PAK5: variants seen among roughly 807,000 people sequenced by gnomAD.
PAK5 encodes the protein p21 (RAC1) activated kinase 5, also known as serine/threonine-protein kinase PAK 5.
A neutral mutation model predicts 65.9 loss-of-function variants in PAK5; 16 were observed. The ratio of observed to expected loss-of-function variants is 0.24; its 90% CI spans 0.16 to 0.37. The LOEUF is 0.37. Among genes scored for constraint, PAK5 ranks in the 10% least tolerant of loss-of-function variants. The pLI is 1.00. For missense variants in PAK5, 785 were observed against 903.9 expected (o/e 0.87, Z 1.69); for synonymous variants, 371 against 354.9 (o/e 1.05, Z -0.51).
chr20:9,613,212 T>A (rs1030517282), intron 3 of PAK5, among the ~76,000 whole-genome samples: 6 of 152,222 alleles, frequency 3.9e-5, no homozygotes, highest in African/African-American at 1.2e-4. Flanking sequence ...ATCCTAACAA[T>A]AATTTAAAAA....
At chr20:9,720,334 A>G (rs1186194345) in intron 1 of PAK5, among the ~76,000 whole-genome samples, 1 of 152,204 alleles carries the variant, frequency 6.6e-6, no homozygotes, top group Non-Finnish European at 1.5e-5. Context: ...TATGACCAAA[A>G]AAACACAAAC....
intron 2 of PAK5, among the ~76,000 whole-genome samples, chr20:9,674,779 G>A (rs1182582506): frequency 6.6e-6 from 1 of 152,180 alleles, no homozygotes; most frequent in African/African-American, 2.4e-5. Context: ...AATATCAAGG[G>A]AATATCAAGG....
At position 9,616,495 on chromosome 20, in the gene PAK5, A is replaced by G. The variant is rs114569159; in HGVS notation, c.204+27630T>C. On this transcript the variant is annotated intron_variant, in intron 3 of 9. Transcript: ENST00000353224. ...TTCGGCTAAAGCCTTTGTGTTCTCT[A>G]TGGTAGGGTTTCTCAAACTTTAACA... is the stretch of plus-strand genomic sequence containing the variant. 5.4e-3 allele frequency among the ~76,000 whole-genome samples: 829 copies of G among 152,300 alleles called. 6 individuals carry two copies. The highest frequency in any genetic ancestry group is 0.019 in the African/African-American group (787 of 41,564).
rs530675284 is a variant in PAK5, at chr20:9,789,479, T to C, written c.-162+49283A>G. Among the ~76,000 whole-genome samples the C allele has an allele frequency of 9.9e-4, 150 of 152,246 alleles. 1 individual carries two copies. Among genetic ancestry groups the C allele is most frequent in the African/African-American group, 3.6e-3 (150 of 41,562 alleles). The stretch of plus-strand genomic sequence containing the variant: ...TCAATTATTTCAATGAAAAAAAAAG[T>C]TTCCATTAAGCCATTCTTTTCTAAT... On this transcript the variant is annotated intron_variant, in intron 1 of 9. Coordinates refer to ENST00000353224, the MANE Select transcript of PAK5 (RefSeq NM_177990.4).
intron 2 of PAK5, 39 bp from the exon 3 acceptor site, chr20:9,644,378 C>A (rs1232914442): frequency 7.3e-7 from 1 of 1,374,500 alleles, no homozygotes; most frequent in South Asian, 1.2e-5. Context: ...CCATTTATAT[C>A]TTGCCAGCAG....
intron 3 of PAK5, among the ~76,000 whole-genome samples, chr20:9,615,848 G>C (rs910061621): frequency 6.6e-6 from 1 of 152,210 alleles, no homozygotes; most frequent in Admixed American, 6.5e-5. Flanking sequence ...GGTGACTCTT[G>C]TCTGGGGGCA....
intron 1 of PAK5, among the ~76,000 whole-genome samples, chr20:9,794,540 G>T (rs891893985): frequency 3.3e-5 from 5 of 152,004 alleles, no homozygotes; most frequent in African/African-American, 1.2e-4. Context: ...AAGCAGATGA[G>T]TTAGAACATT....
At chr20:9,602,331 TAA>T (rs1393620574) in intron 3 of PAK5, among the ~76,000 whole-genome samples, 1 of 127,136 alleles carries the variant, frequency 7.9e-6, no homozygotes. Flanking sequence ...AATAAATAAA[TAA>T]ATAAATAAAA....
chr20:9,564,742 T>A (rs1376099270), intron 5 of PAK5, among the ~76,000 whole-genome samples: 1 of 152,116 alleles, frequency 6.6e-6, no homozygotes. Context: ...CAACACTCAC[T>A]GCAAAATAAT....
intron 1 of PAK5, among the ~76,000 whole-genome samples, chr20:9,819,050 A>G (rs1050238794): frequency 6.6e-6 from 1 of 152,224 alleles, no homozygotes; most frequent in East Asian, 1.9e-4. Flanking sequence ...TGCATGAGAA[A>G]GCCAAAGAAA....
chr20:9,551,814 T>TG (rs1389935877), intron 7 of PAK5, among the ~76,000 whole-genome samples: 2 of 152,208 alleles, frequency 1.3e-5, no homozygotes, highest in Non-Finnish European at 2.9e-5. Flanking sequence ...TCTCTGGGGT[T>TG]GGGGCCCAGG....
At chr20:9,604,202 C>T (rs1276143688) in intron 3 of PAK5, among the ~76,000 whole-genome samples, 6 of 152,212 alleles carry the variant, frequency 3.9e-5, no homozygotes, top group Admixed American at 3.9e-4. Context: ...CTGGGCTCTT[C>T]TGTGGAACAC....
At chr20:9,836,543 G>T (rs562215381) in intron 1 of PAK5, among the ~76,000 whole-genome samples, 1 of 152,300 alleles carries the variant, frequency 6.6e-6, no homozygotes, top group South Asian at 2.1e-4. Flanking sequence ...CTCCCTTAGA[G>T]GTTTTGGAGG....
chr20:9,795,426 C>T (rs1198172121), intron 1 of PAK5, among the ~76,000 whole-genome samples: 2 of 151,992 alleles, frequency 1.3e-5, no homozygotes, highest in African/African-American at 2.4e-5. Context: ...GTTATGTTTA[C>T]CATCAAAAAT....
chr20:9,757,648 A>AT (rs2048650313), intron 1 of PAK5, among the ~76,000 whole-genome samples: 3 of 152,094 alleles, frequency 2.0e-5, no homozygotes, highest in Admixed American at 2.0e-4. Context: ...GTGCTTCAAC[A>AT]TTTTCTCCCT....
intron 5 of PAK5, among the ~76,000 whole-genome samples, 159 bp downstream of exon 5, chr20:9,565,734 A>G (rs1411789615): frequency 6.6e-6 from 1 of 152,234 alleles, no homozygotes; most frequent in Non-Finnish European, 1.5e-5. Context: ...ATATATGTGC[A>G]TAGAAAAAAG....
chr20:9,815,118 G>A (rs891572893), intron 1 of PAK5, among the ~76,000 whole-genome samples: 1 of 152,124 alleles, frequency 6.6e-6, no homozygotes, highest in Admixed American at 6.6e-5. Context: ...GGAAATAAGA[G>A]TGAGAATTCA....
intron 2 of PAK5, among the ~76,000 whole-genome samples, chr20:9,681,464 TGCTTTCTG>T (rs2047648590): frequency 6.6e-6 from 1 of 152,194 alleles, no homozygotes; most frequent in Non-Finnish European, 1.5e-5. Flanking sequence ...TATTTTTCTC[TGCTTTCTG>T]GCTTTTTGGG....
At chr20:9,592,637 T>A (rs1036168677) in intron 3 of PAK5, among the ~76,000 whole-genome samples, 1 of 152,226 alleles carries the variant, frequency 6.6e-6, no homozygotes, top group Non-Finnish European at 1.5e-5. Context: ...CCAGCAAATA[T>A]GCAGCACTCT....
Sources: allele counts gnomAD v4.1 joint callset (sites outside exome capture counted in the v4.1 genomes callset), GRCh38; gene constraint gnomAD v4.1.1; transcripts MANE v1.5; gene names NCBI Gene and HGNC (gene_info 2026-07-23, HGNC 2026-07-21).